The following VLDLR variants were observed in gnomAD, a reference collection of about 807,000 sequenced individuals.
VLDLR encodes the protein very low density lipoprotein receptor.
In VLDLR, 81 loss-of-function variants were observed where a neutral mutation model predicts 112.7. The ratio of observed to expected loss-of-function variants is 0.72; its 90% CI spans 0.60 to 0.86. The LOEUF (loss-of-function observed/expected upper bound fraction) is 0.86. VLDLR is among the 40% of genes least tolerant of loss of function. The pLI, the probability that VLDLR is intolerant of heterozygous loss-of-function variation, is 0.00. For synonymous variants in VLDLR, 436 were observed against 384.8 expected, an observed-to-expected ratio of 1.13 and a Z score of -1.56; for missense variants, 1,237 against 1,099.4, an observed-to-expected ratio of 1.13 and a Z score of -1.77.
intron 1 of VLDLR, 64 bp downstream of exon 1, chr9:2,622,335 G>A (rs1222061576): frequency 1.5e-6 from 2 of 1,359,812 alleles, no homozygotes; most frequent in Non-Finnish European, 9.5e-7. Context: ...GAGACCCCGA[G>A]GCGTAGGTCT....
At chr9:2,637,749 G>A (rs1817656529) in intron 2 of VLDLR, among the ~76,000 whole-genome samples, 1 of 152,108 alleles carries the variant, frequency 6.6e-6, no homozygotes, top group Non-Finnish European at 1.5e-5. Flanking sequence ...AGACCACCCT[G>A]GCTAACACAG....
Position 2,642,764 on chromosome 9 carries a change from C to T in VLDLR, c.449-396C>T, listed in dbSNP as rs547669820. The stretch of plus-strand genomic sequence containing the variant: ...GTCTTAATGCTTGTTGTGAGTATTA[C>T]GTTGCATGATATTCTCAACTAGTGA... On this transcript the variant is annotated intron_variant, in intron 4 of 18. Coordinates refer to ENST00000382100, the MANE Select transcript of VLDLR (RefSeq NM_003383.5). Among the ~76,000 whole-genome samples, 10 of 152,282 alleles carry T rather than the reference C, an allele frequency of 6.6e-5. No individual in the cohort carries two copies. In the South Asian group the frequency reaches 1.0e-3, roughly 16 times the overall value.
intron 16 of VLDLR, 79 bp downstream of exon 16, chr9:2,651,577 C>A (rs1230071469): frequency 9.4e-6 from 12 of 1,277,492 alleles, no homozygotes; most frequent in Non-Finnish European, 1.1e-5. Flanking sequence ...ATAATTAATG[C>A]AGCCTTTAAC....
intron 13 of VLDLR, 60 bp downstream of exon 13, chr9:2,648,407 A>G (rs1055356323): frequency 1.9e-6 from 3 of 1,610,268 alleles, no homozygotes; most frequent in South Asian, 2.2e-5. Context: ...TTTGAGAAGA[A>G]ATAACAGACA....
chr9:2,657,761 AG>A lies in VLDLR; in HGVS notation c.*3896del, dbSNP rs1235502720. 6.6e-5 allele frequency: 10 copies of A among 152,182 alleles called. No homozygotes were observed. Among genetic ancestry groups the A allele is most frequent in the African/African-American group, 2.4e-4 (10 of 41,440 alleles). 9.4% of individuals were successfully genotyped at this position (152,182 alleles called of 1,614,324 possible). A position where few individuals can be genotyped will look rare whatever the true frequency, so the allele number is the denominator to read the frequency against. Reference sequence around the variant, plus strand: ...CTGTTAAGCATCTAACCGGAGTGGGAGGGCACATCAAGCGATTTCACTCTCT... The same window carrying A: ...CTGTTAAGCATCTAACCGGAGTGGGAGGCACATCAAGCGATTTCACTCTCT... On this transcript the variant is annotated 3_prime_UTR_variant, in exon 19 of 19. Transcript: ENST00000382100.
chr9:2,657,467 C>T lies in VLDLR; in HGVS notation c.*3599C>T, dbSNP rs1818648136. ...AGACATTTCTCAAAAGGGTCTGATA[C>T]ATCAAACTCCTAACAAGTAGGAGCA... On this transcript the variant is annotated 3_prime_UTR_variant, in exon 19 of 19. Transcript: ENST00000382100. 1 of 152,304 alleles carries T rather than the reference C, an allele frequency of 6.6e-6. No homozygotes were observed. Among genetic ancestry groups the T allele is most frequent in the East Asian group, 1.9e-4 (1 of 5,184 alleles). 9.4% of individuals were successfully genotyped at this position (152,304 alleles called of 1,614,324 possible).
intron 1 of VLDLR, among the ~76,000 whole-genome samples, chr9:2,633,260 G>A (rs1817449390): frequency 6.6e-6 from 1 of 152,118 alleles, no homozygotes; most frequent in South Asian, 2.1e-4. Flanking sequence ...TAGACTCTTA[G>A]AGCAGAGCTG....
chr9:2,639,034 G>C (rs1817718110), intron 2 of VLDLR, among the ~76,000 whole-genome samples: 1 of 152,152 alleles, frequency 6.6e-6, no homozygotes, highest in East Asian at 1.9e-4. Flanking sequence ...ACTGGGGTTT[G>C]GCCTTCATTC....
chr9:2,628,444 G>A (rs36102240), intron 1 of VLDLR, among the ~76,000 whole-genome samples: 2,288 of 152,260 alleles, frequency 0.015, 63 homozygotes, highest in African/African-American at 0.052. Context: ...AGCTCAGCCC[G>A]TATAGCAGAT....
chr9:2,647,790 G>C (rs762430487), intron 12 of VLDLR, 198 bp downstream of exon 12: 112 of 659,720 alleles, frequency 1.7e-4, no homozygotes, highest in Non-Finnish European at 2.3e-4. Flanking sequence ...TTACTGGCCT[G>C]TTGTCCAGCT....
Position 2,644,849 on chromosome 9 carries a change from T to C in VLDLR, c.1182T>C (p.Cys394=), listed in dbSNP as rs985962015. The part of the protein sequence containing the change: ...AGFELIDRKT[C]GDIDECQNPG... ...TTGAACTGATAGATAGGAAAACCTGTGGAGGTGAGTCTAAGAAGAAAACCT... is the reference window on the plus strand; with the variant it reads ...TTGAACTGATAGATAGGAAAACCTGCGGAGGTGAGTCTAAGAAGAAAACCT... The change falls in exon 8 of 19, where the codon TGT becomes TGC. Residue 394 remains cysteine (C), a synonymous_variant. Coordinates refer to ENST00000382100, the MANE Select transcript of VLDLR (RefSeq NM_003383.5). 3.1e-6 allele frequency: 5 copies of C among 1,614,104 alleles called. No homozygotes were observed. The highest frequency in any genetic ancestry group is 4.2e-6 in the Non-Finnish European group (5 of 1,180,016).
intron 7 of VLDLR, among the ~76,000 whole-genome samples, chr9:2,644,215 A>G (rs770765675): frequency 7.0e-4 from 99 of 141,994 alleles, no homozygotes; most frequent in Non-Finnish European, 1.0e-3. Context: ...CTGGAGTGCA[A>G]TGATGCAATC....
chr9:2,643,443 C>G lies in VLDLR; in HGVS notation c.732C>G (p.Ile244Met), dbSNP rs145995735. Residue 244 changes from isoleucine (I) to methionine (M), a missense_variant, in exon 5 of 19, where the codon ATC becomes ATG. By Grantham distance (10) the Ile-to-Met change is conservative (BLOSUM62 1). Transcript: ENST00000382100. ...ACACCAAGTGTCCAGCCAGCGAAAT[C>G]CAGTGCGGCTCTGGCGAGTGCATCC... is the stretch of plus-strand genomic sequence containing the variant. ...VIHTKCPASEIQCGSGECIHK... is the reference protein window; with the variant it reads ...VIHTKCPASEMQCGSGECIHK... The G allele has an allele frequency of 4.0e-4, 640 of 1,614,190 alleles. 2 individuals are homozygous for G. Among genetic ancestry groups the G allele is most frequent in the Middle Eastern group, 3.3e-3 (20 of 6,062 alleles).
chr9:2,625,864 G>C (rs929751888), intron 1 of VLDLR, among the ~76,000 whole-genome samples: 5 of 152,230 alleles, frequency 3.3e-5, no homozygotes, highest in Non-Finnish European at 1.5e-5. Flanking sequence ...TTTTGGGCTA[G>C]AAAATCTGAG....
In VLDLR at chr9:2,646,450, C is replaced by T. The variant is rs751981140; in HGVS notation, c.1601C>T (p.Ser534Phe). 1.2e-6 allele frequency: 2 copies of T among 1,614,144 alleles called. No individual in the cohort carries two copies. The highest frequency in any genetic ancestry group is 2.7e-5 in the African/African-American group (2 of 75,042). The stretch of plus-strand genomic sequence containing the variant: ...ACCATCTACTGGACTGATGCGGCTT[C>T]TAAGACTATTTCAGTAGCTACCCTA... ...YKTIYWTDAA[S>F]KTISVATLDG... is the part of the protein sequence containing the mutation. The change falls in exon 11 of 19, where the codon TCT (serine) becomes TTT (phenylalanine). Residue 534 changes from serine (S) to phenylalanine (F), a missense_variant. Ser to Phe is a radical substitution (Grantham distance 155). Transcript: ENST00000382100.
intron 4 of VLDLR, among the ~76,000 whole-genome samples, 192 bp downstream of exon 4, chr9:2,641,691 A>T (rs1283191447): frequency 2.6e-5 from 4 of 152,204 alleles, no homozygotes; most frequent in African/African-American, 9.6e-5. Flanking sequence ...GCAATTGACC[A>T]TCGCTTGGTG....
chr9:2,641,611 A>G, intron 4 of VLDLR, 112 bp downstream of exon 4: 3 of 1,501,288 alleles, frequency 2.0e-6, no homozygotes, highest in South Asian at 2.3e-5. Flanking sequence ...CTCACTTTTC[A>G]GTGACTTCAC....
chr9:2,628,118 A>G (rs1817177026), intron 1 of VLDLR, among the ~76,000 whole-genome samples: 1 of 152,172 alleles, frequency 6.6e-6, no homozygotes, highest in South Asian at 2.1e-4. Flanking sequence ...TAGAGAATAT[A>G]GGATGTCAGG....
At position 2,647,566 on chromosome 9, in the gene VLDLR, T is replaced by G; in HGVS notation, c.1796T>G (p.Ile599Ser). Reference protein sequence around the residue: ...FDRRPLVTADIQWPNGITLDL... With the variant: ...FDRRPLVTADSQWPNGITLDL... ...AGACGTCCACTGGTGACAGCGGATA[T>G]CCAGTGGCCTAACGGAATTACACTT... The change falls in exon 12 of 19, where the codon ATC (isoleucine) becomes AGC (serine). Residue 599 changes from isoleucine (I) to serine (S), a missense_variant. By Grantham distance (142) the Ile-to-Ser change is moderately radical. Coordinates refer to ENST00000382100, the MANE Select transcript of VLDLR (RefSeq NM_003383.5). 6.2e-7 allele frequency: 1 copy of G among 1,614,098 alleles called. No homozygotes were observed. Among genetic ancestry groups the G allele is most frequent in the Non-Finnish European group, 8.5e-7 (1 of 1,179,930 alleles).
Sources: allele counts gnomAD v4.1 joint callset (sites outside exome capture counted in the v4.1 genomes callset), GRCh38; gene constraint gnomAD v4.1.1; transcripts MANE v1.5; gene names NCBI Gene and HGNC (gene_info 2026-07-23, HGNC 2026-07-21).